The following PCDHA12 variants were observed in gnomAD, a reference collection of about 807,000 sequenced individuals.
PCDHA12 encodes protocadherin alpha-12.
Under a neutral mutation model 60.0 loss-of-function variants are expected in PCDHA12, and 44 were observed. That is an observed-to-expected ratio of 0.73 (90% CI 0.58 to 0.94). The LOEUF is 0.94. PCDHA12 is among the 40% of genes least tolerant of loss of function. The pLI, the probability that PCDHA12 is intolerant of heterozygous loss-of-function variation, is 0.00. For missense variants in PCDHA12, 1,276 were observed against 1,239.7 expected, an observed-to-expected ratio of 1.03 and a Z score of -0.44; for synonymous variants, 569 against 553.0, an observed-to-expected ratio of 1.03 and a Z score of -0.40.
chr5:140,882,226 G>C (rs778262653), intron 1 of PCDHA12: 257 of 1,564,032 alleles, frequency 1.6e-4, no homozygotes, highest in Non-Finnish European at 3.8e-5. Flanking sequence ...GAGGTAAGGC[G>C]TTGTATATAT....
Position 140,951,753 on chromosome 5 carries a change from C to T in PCDHA12, c.2368-27196C>T, listed in dbSNP as rs140119406. ...ATTCTGCCACTGCCCTCACCCTCCGCGAAATCTCATGACGTTCTTACATTG... is the reference window on the plus strand; with the variant it reads ...ATTCTGCCACTGCCCTCACCCTCCGTGAAATCTCATGACGTTCTTACATTG... On this transcript the variant is annotated intron_variant, in intron 1 of 3. Transcript: ENST00000398631. Among the ~76,000 whole-genome samples the T allele has an allele frequency of 7.0e-3, 1,059 of 152,208 alleles. 11 individuals are homozygous for T. The highest frequency in any genetic ancestry group is 0.014 in the Admixed American group (209 of 15,290).
intron 1 of PCDHA12, among the ~76,000 whole-genome samples, chr5:140,923,952 C>T (rs1313695833): frequency 5.9e-5 from 9 of 152,178 alleles, no homozygotes; most frequent in Non-Finnish European, 1.0e-4. Context: ...TTTCCTCACG[C>T]CCTAATCTAT....
At chr5:140,986,954 C>T (rs2097219916) in intron 3 of PCDHA12, among the ~76,000 whole-genome samples, 1 of 152,154 alleles carries the variant, frequency 6.6e-6, no homozygotes, top group African/African-American at 2.4e-5. Context: ...TCGCTCATGC[C>T]TGTAATTCCA....
At chr5:140,893,881 C>T (rs1385683702) in intron 1 of PCDHA12, among the ~76,000 whole-genome samples, 1 of 152,066 alleles carries the variant, frequency 6.6e-6, no homozygotes, top group Non-Finnish European at 1.5e-5. Flanking sequence ...TCCAAAGTGG[C>T]CAGAAAGTTA....
Position 140,889,022 on chromosome 5 carries a change from G to A in PCDHA12, c.2367+11183G>A, listed in dbSNP as rs183317307. Among the ~76,000 whole-genome samples the A allele has an allele frequency of 5.5e-3, 837 of 151,922 alleles. 11 individuals are homozygous for A. The highest frequency in any genetic ancestry group is 0.019 in the African/African-American group (781 of 41,426). ...TGGCAAACCAACCTCTACTTCCTTG[G>A]ATAACCGTAATTTGATTATAATTTA... On this transcript the variant is annotated intron_variant, in intron 1 of 3. Coordinates refer to ENST00000398631, the MANE Select transcript of PCDHA12 (RefSeq NM_018903.4).
In PCDHA12 at chr5:140,875,557, G is replaced by A. The variant is rs2055595805; in HGVS notation, c.85G>A (p.Gly29Ser). The A allele has an allele frequency of 6.2e-7, 1 of 1,613,946 alleles. No homozygotes were observed. The highest frequency in any genetic ancestry group is 8.5e-7 in the Non-Finnish European group (1 of 1,180,036). Residue 29 changes from glycine to serine, a missense_variant, in exon 1 of 4, where the codon GGC becomes AGC. Coordinates refer to ENST00000398631, the MANE Select transcript of PCDHA12 (RefSeq NM_018903.4). ...LLLAAWEVGSGQLHYSVYEEA... is the reference protein window; with the variant it reads ...LLLAAWEVGSSQLHYSVYEEA... ...CCTTGCAGCCTGGGAGGTGGGGAGC[G>A]GCCAGCTCCACTACTCCGTCTACGA...
chr5:140,888,441 A>G (rs2061829051), intron 1 of PCDHA12, among the ~76,000 whole-genome samples: 1 of 152,222 alleles, frequency 6.6e-6, no homozygotes, highest in African/African-American at 2.4e-5. Context: ...CAGCCGCCCA[A>G]CAATAAAGAA....
intron 1 of PCDHA12, chr5:140,927,232 G>A (rs1554204208): frequency 6.2e-7 from 1 of 1,614,104 alleles, no homozygotes; most frequent in African/African-American, 1.3e-5. Flanking sequence ...TCGGATTCAC[G>A]TCCTGGACAC....
intron 1 of PCDHA12, among the ~76,000 whole-genome samples, chr5:140,925,538 C>T (rs1387501905): frequency 6.6e-6 from 1 of 151,860 alleles, no homozygotes; most frequent in Non-Finnish European, 1.5e-5. Flanking sequence ...AGGAGAAATA[C>T]CTAATGTAAA....
At chr5:140,948,735 A>C (rs756182090) in intron 1 of PCDHA12, among the ~76,000 whole-genome samples, 3 of 151,562 alleles carry the variant, frequency 2.0e-5, no homozygotes, top group Non-Finnish European at 4.4e-5. Flanking sequence ...AGTCTAGCTG[A>C]GAATTTATCA....
intron 1 of PCDHA12, among the ~76,000 whole-genome samples, chr5:140,895,301 C>T (rs2064953096): frequency 6.6e-6 from 1 of 152,000 alleles, no homozygotes; most frequent in Non-Finnish European, 1.5e-5. Flanking sequence ...TCGATTTCCC[C>T]CCTTCCACCC....
At chr5:140,904,236 T>G (rs1326424532) in intron 1 of PCDHA12, among the ~76,000 whole-genome samples, 2 of 151,966 alleles carry the variant, frequency 1.3e-5, no homozygotes, top group Non-Finnish European at 2.9e-5. Flanking sequence ...ACTTATGCCT[T>G]TGCATCCTCA....
In PCDHA12 at chr5:141,011,694, G is replaced by A. The variant is rs1473857552; in HGVS notation, c.*1757G>A. 1.3e-5 allele frequency: 2 copies of A among 153,662 alleles called. No individual in the cohort carries two copies. Among genetic ancestry groups the A allele is most frequent in the African/African-American group, 4.8e-5 (2 of 41,412 alleles). The allele number at this position is 153,662 out of a possible 1,614,324, so 9.5% of individuals were successfully genotyped here. On this transcript the variant is annotated 3_prime_UTR_variant, in exon 4 of 4. Coordinates refer to ENST00000398631, the MANE Select transcript of PCDHA12 (RefSeq NM_018903.4). The stretch of plus-strand genomic sequence containing the variant: ...CTGTTTTGTTCTAGTAACAATTTTG[G>A]AATGAATACTGACAATATTCCATGA...
At position 140,923,111 on chromosome 5, in the gene PCDHA12, G is replaced by T. The variant is rs192696214; in HGVS notation, c.2367+45272G>T. Among the ~76,000 whole-genome samples, 53 of 152,266 alleles carry T rather than the reference G, an allele frequency of 3.5e-4. No individual in the cohort carries two copies. In the East Asian group the frequency reaches 8.9e-3, roughly 25 times the overall value. ...TTGACCAATGGGAGTATGATTTTAA[G>T]TTTTTAGGGTCACACTTTGAAGGTG... On this transcript the variant is annotated intron_variant, in intron 1 of 3. Coordinates refer to ENST00000398631, the MANE Select transcript of PCDHA12 (RefSeq NM_018903.4).
At chr5:141,006,108 T>C (rs1268824828) in intron 3 of PCDHA12, among the ~76,000 whole-genome samples, 5 of 151,864 alleles carry the variant, frequency 3.3e-5, no homozygotes. Context: ...GTAAGGAGTT[T>C]TTTTTTTTTT....
intron 3 of PCDHA12, among the ~76,000 whole-genome samples, chr5:140,983,802 A>G (rs2097069375): frequency 6.6e-6 from 1 of 152,246 alleles, no homozygotes; most frequent in South Asian, 2.1e-4. Context: ...ATGTGTGTGT[A>G]AAAGGTTTTT....
chr5:140,996,196 A>G (rs2097716509), intron 3 of PCDHA12, among the ~76,000 whole-genome samples: 2 of 152,216 alleles, frequency 1.3e-5, no homozygotes, highest in South Asian at 2.1e-4. Context: ...TATACCCTCA[A>G]TGCAAGGATA....
chr5:140,938,148 A>G (rs563866654), intron 1 of PCDHA12, among the ~76,000 whole-genome samples: 1 of 152,284 alleles, frequency 6.6e-6, no homozygotes, highest in African/African-American at 2.4e-5. Context: ...GTCTCACTAC[A>G]TTGCCCAGGC....
At chr5:140,941,624 T>A (rs2093131699) in intron 1 of PCDHA12, among the ~76,000 whole-genome samples, 1 of 151,964 alleles carries the variant, frequency 6.6e-6, no homozygotes, top group Non-Finnish European at 1.5e-5. Flanking sequence ...CCATCCTGCT[T>A]CTTAATTTCT....
Sources: allele counts gnomAD v4.1 joint callset (sites outside exome capture counted in the v4.1 genomes callset), GRCh38; gene constraint gnomAD v4.1.1; transcripts MANE v1.5; gene names NCBI Gene and HGNC (gene_info 2026-07-23, HGNC 2026-07-21).